The following POLN variants were observed in gnomAD, a reference collection of about 807,000 sequenced individuals.
POLN encodes DNA polymerase nu.
In POLN, 108 loss-of-function variants were observed where a neutral mutation model predicts 113.5. The ratio of observed to expected loss-of-function variants is 0.95; its 90% CI spans 0.81 to 1.12. The LOEUF (loss-of-function observed/expected upper bound fraction) is 1.12. Among genes scored for constraint, POLN ranks in the 50% most tolerant of loss-of-function variants. The pLI, the probability that POLN is intolerant of heterozygous loss-of-function variation, is 0.00. For synonymous variants in POLN, 386 were observed against 391.5 expected (o/e 0.99, Z 0.17); for missense variants, 1,097 against 1,077.1 (o/e 1.02, Z -0.26).
At chr4:2,119,179 G>A (rs1424142281) in intron 19 of POLN, among the ~76,000 whole-genome samples, 1 of 152,182 alleles carries the variant, frequency 6.6e-6, no homozygotes, top group Non-Finnish European at 1.5e-5. Flanking sequence ...ACCATCTTAA[G>A]CAGAAGAAAA....
rs766189102 is a variant in POLN, at chr4:2,156,870, G to C, written c.1666-17C>G. 4.4e-6 allele frequency: 7 copies of C among 1,595,870 alleles called. No homozygotes were observed. The highest frequency in any genetic ancestry group is 1.1e-5 in the South Asian group (1 of 90,706). On this transcript the variant is annotated splice_polypyrimidine_tract_variant and intron_variant, in intron 15 of 25. Coordinates refer to ENST00000511885, the MANE Select transcript of POLN (RefSeq NM_181808.4). ...AATGGAGCCCTTTATTAGTTAAAAAGAATCAGTGTAAACTCCAGCAATGCT... is the reference window on the plus strand; with the variant it reads ...AATGGAGCCCTTTATTAGTTAAAAACAATCAGTGTAAACTCCAGCAATGCT...
intron 3 of POLN, chr4:2,227,911 T>C (rs374452221): frequency 1.3e-5 from 2 of 152,202 alleles, no homozygotes; most frequent in African/African-American, 4.8e-5. Context: ...ATAATGTGAT[T>C]ATGATAGTGT....
chr4:2,235,146 A>G (rs1483510614), intron 2 of POLN, among the ~76,000 whole-genome samples: 3 of 152,246 alleles, frequency 2.0e-5, no homozygotes, highest in Non-Finnish European at 4.4e-5. Flanking sequence ...AGCCTCCCAA[A>G]GTGCTGGGAT....
intron 19 of POLN, among the ~76,000 whole-genome samples, chr4:2,122,324 C>G (rs776986659): frequency 6.6e-6 from 1 of 152,058 alleles, no homozygotes; most frequent in African/African-American, 2.4e-5. Context: ...TCTATATTGT[C>G]TTATATCTTA....
chr4:2,080,671 A>G, intron 23 of POLN: 1 of 1,328,630 alleles, frequency 7.5e-7, no homozygotes, highest in Non-Finnish European at 9.7e-7. Flanking sequence ...GGCAGCCTCA[A>G]GGGGTGCCCC....
intron 19 of POLN, among the ~76,000 whole-genome samples, chr4:2,115,216 A>ATG (rs1731286953): frequency 1.3e-5 from 1 of 75,010 alleles, no homozygotes. Flanking sequence ...AGCTATATAT[A>ATG]TATATATATA....
chr4:2,213,709 T>C (rs1734045646), intron 3 of POLN, among the ~76,000 whole-genome samples: 1 of 151,766 alleles, frequency 6.6e-6, no homozygotes, highest in Non-Finnish European at 1.5e-5. Flanking sequence ...ACTTACAATA[T>C]AAAAACATTA....
In POLN at chr4:2,229,484, A is replaced by G. The variant is rs566054209; in HGVS notation, c.-12-241T>C. ...AACTTATTTTCTAGGTGACCAATTT[A>G]GAAGCAATCTACTCAAATACATCCT... is the stretch of plus-strand genomic sequence containing the variant. On this transcript the variant is annotated intron_variant, in intron 2 of 25. Coordinates refer to ENST00000511885, the MANE Select transcript of POLN (RefSeq NM_181808.4). 6.5e-4 allele frequency: 206 copies of G among 315,916 alleles called. 1 individual carries two copies. Among genetic ancestry groups the G allele is most frequent in the Middle Eastern group, 1.8e-3 (2 of 1,112 alleles). 19.6% of individuals were successfully genotyped at this position (315,916 alleles called of 1,614,324 possible). A position where few individuals can be genotyped will look rare whatever the true frequency, so the allele number is the denominator to read the frequency against.
At chr4:2,181,523 A>T (rs112868576) in intron 7 of POLN, among the ~76,000 whole-genome samples, 4 of 152,176 alleles carry the variant, frequency 2.6e-5, no homozygotes, top group African/African-American at 9.6e-5. Context: ...ATAAAATTTT[A>T]AAAAATCTAA....
chr4:2,157,957 C>CT (rs35915663), intron 14 of POLN, 46 bp from the exon 15 acceptor site: 26 of 1,494,776 alleles, frequency 1.7e-5, no homozygotes, highest in African/African-American at 4.2e-5. Flanking sequence ...AGTCTTAAGT[C>CT]TTTTTTTGTG....
At chr4:2,158,704 C>T (rs1397209613) in intron 14 of POLN, among the ~76,000 whole-genome samples, 2 of 152,098 alleles carry the variant, frequency 1.3e-5, no homozygotes. Context: ...GGTGTGTGAA[C>T]AGAGAAAGGG....
At position 2,198,633 on chromosome 4, in the gene POLN, AGGCCGGGGCATCTGGACAGCCAT is replaced by A; in HGVS notation, c.776_798del (p.His259LeufsTer12). ...ACAAAGCCCTCCAGAACAGGACCAC[AGGCCGGGGCATCTGGACAGCCAT>A]GGCCACCCTCTGCTTGGCGTTTTAC... On this transcript the variant is annotated frameshift_variant, in exon 6 of 26. Transcript: ENST00000511885. LOFTEE classifies it high-confidence loss of function. The A allele has an allele frequency of 6.2e-7, 1 of 1,614,036 alleles. No individual in the cohort carries two copies. Among genetic ancestry groups the A allele is most frequent in the Non-Finnish European group, 8.5e-7 (1 of 1,179,978 alleles).
chr4:2,187,338 GGTTA>G (rs1733302747), intron 7 of POLN, among the ~76,000 whole-genome samples: 1 of 152,130 alleles, frequency 6.6e-6, no homozygotes, highest in South Asian at 2.1e-4. Context: ...CTGCCTCTTG[GGTTA>G]AAGTGATTCT....
intron 16 of POLN, among the ~76,000 whole-genome samples, chr4:2,152,455 C>G (rs1293852185): frequency 6.6e-6 from 1 of 150,950 alleles, no homozygotes; most frequent in African/African-American, 2.4e-5. Context: ...GATCCTCCTG[C>G]CTCAGCCTCC....
chr4:2,096,730 G>GAGAGAGAC (rs1361778474), intron 19 of POLN, among the ~76,000 whole-genome samples: 30 of 145,662 alleles, frequency 2.1e-4, no homozygotes, highest in African/African-American at 3.8e-4. Flanking sequence ...GAGAGAGAGA[G>GAGAGAGAC]ACACACAGAG....
chr4:2,073,092 GA>G, intron 24 of POLN, 63 bp from the exon 25 acceptor site: 1 of 1,550,312 alleles, frequency 6.5e-7, no homozygotes, highest in East Asian at 2.3e-5. Context: ...GGGAGCCGAA[GA>G]TAAGAGAACT....
At chr4:2,142,617 G>A (rs1732030910) in intron 16 of POLN, among the ~76,000 whole-genome samples, 1 of 152,000 alleles carries the variant, frequency 6.6e-6, no homozygotes. Flanking sequence ...TGCCTAATGT[G>A]TCCCAGACAA....
At chr4:2,184,512 C>T (rs1295607330) in intron 7 of POLN, among the ~76,000 whole-genome samples, 3 of 151,978 alleles carry the variant, frequency 2.0e-5, no homozygotes, top group Admixed American at 6.6e-5. Context: ...AAGTAAAAAC[C>T]CTGTCATCCT....
chr4:2,105,497 C>G (rs1340411505), intron 19 of POLN, among the ~76,000 whole-genome samples: 2 of 151,988 alleles, frequency 1.3e-5, no homozygotes, highest in African/African-American at 4.8e-5. Flanking sequence ...AGGAATAAAT[C>G]TATAAGAAAA....
Sources: gnomAD v4.1 joint callset for allele counts (sites outside exome capture counted in the v4.1 genomes callset) on GRCh38, gnomAD v4.1.1 for gene constraint, MANE v1.5 for transcripts, NCBI Gene and HGNC (gene_info 2026-07-23, HGNC 2026-07-21) for gene names.